The following CYTH3 variants were observed in gnomAD, a reference collection of about 807,000 sequenced individuals.
CYTH3 encodes the protein cytohesin 3.
CYTH3 carries 23 observed loss-of-function variants against 55.1 expected under a neutral mutation model. The observed-to-expected ratio is 0.42, with a 90% CI of 0.30 to 0.59. The LOEUF is 0.59. Among genes scored for constraint, CYTH3 ranks in the 20% least tolerant of loss-of-function variants. The pLI is 0.20. For synonymous variants in CYTH3, 249 were observed against 194.9 expected, an observed-to-expected ratio of 1.28 and a Z score of -2.31; for missense variants, 413 against 524.8, an observed-to-expected ratio of 0.79 and a Z score of 2.08.
intron 1 of CYTH3, among the ~76,000 whole-genome samples, chr7:6,196,101 A>G (rs1055422143): frequency 6.6e-6 from 1 of 152,104 alleles, no homozygotes; most frequent in African/African-American, 2.4e-5. Context: ...CCTTAGTCCT[A>G]TGTCTCTCTC....
intron 6 of CYTH3, chr7:6,172,609 G>T: frequency 1.3e-6 from 1 of 743,010 alleles, no homozygotes; most frequent in Non-Finnish European, 1.7e-6. Context: ...ACGGGGCTAT[G>T]CCAGGCTCCC....
chr7:6,255,995 C>A (rs892894987), intron 1 of CYTH3, among the ~76,000 whole-genome samples: 1 of 152,072 alleles, frequency 6.6e-6, no homozygotes, highest in Non-Finnish European at 1.5e-5. Flanking sequence ...GATCTCCTGA[C>A]CTCGTGATCC....
At position 6,170,402 on chromosome 7, in the gene CYTH3, G is replaced by T; in HGVS notation, c.823+133C>A. 1.2e-6 allele frequency: 1 copy of T among 829,932 alleles called. No individual in the cohort carries two copies. The highest frequency in any genetic ancestry group is 1.9e-6 in the Non-Finnish European group (1 of 539,354). 51.4% of individuals were successfully genotyped at this position (829,932 alleles called of 1,614,324 possible). On this transcript the variant is annotated intron_variant, in intron 9 of 12. Transcript: ENST00000350796. The surrounding 1 kb of genome is among the most constrained non-coding windows in gnomAD (Gnocchi z 7.8). ...ATGCAGCTACCGAGAGCGGGCTCTG[G>T]CTTAACCGCGTTTCTTTTTAACGTC...
chr7:6,270,252 A>G (rs910051967), intron 1 of CYTH3, among the ~76,000 whole-genome samples: 35 of 152,348 alleles, frequency 2.3e-4, no homozygotes, highest in African/African-American at 7.9e-4. Context: ...TGTTTCAAAA[A>G]TAAATATCCT....
At chr7:6,252,741 G>C (rs1316009477) in intron 1 of CYTH3, among the ~76,000 whole-genome samples, 1 of 152,160 alleles carries the variant, frequency 6.6e-6, no homozygotes, top group African/African-American at 2.4e-5. Context: ...AGAGATTTAA[G>C]GTTTAGTCTT....
At chr7:6,204,446 C>T (rs545013391) in intron 1 of CYTH3, among the ~76,000 whole-genome samples, 4 of 152,274 alleles carry the variant, frequency 2.6e-5, no homozygotes, top group South Asian at 2.1e-4. Flanking sequence ...CAGAAGTCCT[C>T]GTCCTGCCCT....
chr7:6,234,374 T>G (rs772453935), intron 1 of CYTH3, among the ~76,000 whole-genome samples: 7 of 152,228 alleles, frequency 4.6e-5, no homozygotes, highest in Non-Finnish European at 8.8e-5. Flanking sequence ...GAAAACTCAC[T>G]GGCTAATTCT....
chr7:6,165,492 A>AGG, intron 11 of CYTH3, 53 bp downstream of exon 11: 1 of 1,609,734 alleles, frequency 6.2e-7, no homozygotes, highest in Non-Finnish European at 8.5e-7. Flanking sequence ...GCAGGCAGTG[A>AGG]GGATGGCTCC....
intron 1 of CYTH3, among the ~76,000 whole-genome samples, chr7:6,220,107 G>T (rs998536879): frequency 3.9e-5 from 6 of 151,970 alleles, no homozygotes; most frequent in African/African-American, 1.2e-4. Context: ...TGAGACCACA[G>T]TCTGGTCTCA....
chr7:6,233,717 C>T lies in CYTH3; in HGVS notation c.34+38757G>A, dbSNP rs141152067. On this transcript the variant is annotated intron_variant, in intron 1 of 12. Coordinates refer to ENST00000350796, the MANE Select transcript of CYTH3 (RefSeq NM_004227.4). ...CTTCATCTCAGTCCCAGCGTCTACC[C>T]TGTTTCAGGGCCTTACCACCAGTCC... Among the ~76,000 whole-genome samples, 688 of 152,202 alleles carry T rather than the reference C, an allele frequency of 4.5e-3. 9 individuals are homozygous for T. The highest frequency in any genetic ancestry group is 0.016 in the African/African-American group (658 of 41,514).
intron 1 of CYTH3, among the ~76,000 whole-genome samples, chr7:6,250,185 T>C (rs1330552371): frequency 3.3e-5 from 5 of 152,182 alleles, no homozygotes; most frequent in Admixed American, 3.3e-4. Context: ...GAATTCTGTT[T>C]CTTGAACCCA....
intron 1 of CYTH3, among the ~76,000 whole-genome samples, chr7:6,207,315 C>T (rs924622872): frequency 1.7e-4 from 26 of 151,972 alleles, no homozygotes; most frequent in Non-Finnish European, 3.7e-4. Flanking sequence ...AGGATGGTCT[C>T]TATCTCCTGA....
chr7:6,175,686 T>A (rs1783334189), intron 5 of CYTH3, among the ~76,000 whole-genome samples: 2 of 151,924 alleles, frequency 1.3e-5, no homozygotes, highest in Non-Finnish European at 2.9e-5. Flanking sequence ...TGGCTGGGAT[T>A]ATAGACACCT....
intron 2 of CYTH3, among the ~76,000 whole-genome samples, chr7:6,188,324 C>T (rs757557065): frequency 6.6e-6 from 1 of 150,792 alleles, no homozygotes; most frequent in African/African-American, 2.5e-5. Flanking sequence ...CAGAGCAAGA[C>T]TTGGTCTCTT....
intron 1 of CYTH3, among the ~76,000 whole-genome samples, chr7:6,248,364 A>G (rs554876015): frequency 6.6e-6 from 1 of 151,996 alleles, no homozygotes; most frequent in East Asian, 1.9e-4. Context: ...GCATATATAA[A>G]CTGCACTGCC....
intron 9 of CYTH3, 47 bp from the exon 10 acceptor site, chr7:6,165,857 C>T (rs1782984648): frequency 1.2e-6 from 2 of 1,600,088 alleles, no homozygotes; most frequent in Non-Finnish European, 8.6e-7. Context: ...GCACAGGGAG[C>T]CCGCGGGTCC....
intron 1 of CYTH3, among the ~76,000 whole-genome samples, chr7:6,220,228 G>A (rs141565182): frequency 8.8e-4 from 134 of 152,236 alleles, no homozygotes; most frequent in African/African-American, 3.0e-3. Flanking sequence ...AGGTGTAAAA[G>A]CGGTCCAATG....
rs1779602512 is a variant in CYTH3 at position 6,239,002 on chromosome 7, C to T, written c.34+33472G>A. Among the ~76,000 whole-genome samples the T allele has an allele frequency of 1.3e-5, 2 of 152,090 alleles. 1 individual carries two copies. The highest frequency in any genetic ancestry group is 4.1e-4 in the South Asian group (2 of 4,826). On this transcript the variant is annotated intron_variant, in intron 1 of 12. Coordinates refer to ENST00000350796, the MANE Select transcript of CYTH3 (RefSeq NM_004227.4). ...ACCAAGACGTGCTGATTGCTTGAGG[C>T]CAGGAGCTCAAGACCAGCCTGGCCA... is the stretch of plus-strand genomic sequence containing the variant.
chr7:6,190,426 TGG>T (rs1783772378), intron 2 of CYTH3, 21 bp downstream of exon 2: 13 of 1,426,498 alleles, frequency 9.1e-6, no homozygotes, highest in Admixed American at 5.9e-5. Flanking sequence ...TTTGGATTTT[TGG>T]TTTTTTTTTT....
Sources: gnomAD v4.1 joint callset for allele counts (sites outside exome capture counted in the v4.1 genomes callset) on GRCh38, gnomAD v4.1.1 for gene constraint, Gnocchi (gnomAD v3.1) non-coding constraint, MANE v1.5 for transcripts, NCBI Gene and HGNC (gene_info 2026-07-23, HGNC 2026-07-21) for gene names.